The following LINS1 variants were observed in gnomAD, a reference collection of about 807,000 sequenced individuals.
LINS1 encodes the protein lines homolog 1.
LINS1 carries 27 observed loss-of-function variants against 41.6 expected under a neutral mutation model. The ratio of observed to expected loss-of-function variants is 0.65; its 90% confidence interval spans 0.48 to 0.89. The LOEUF (loss-of-function observed/expected upper bound fraction) is 0.89, where lower values mean the gene tolerates loss of function less well. Ranked by LOEUF, LINS1 falls within the 40% of genes least tolerant of loss-of-function variation. The pLI is 0.00. For synonymous variants in LINS1, 336 were observed against 312.9 expected, an observed-to-expected ratio of 1.07 and a Z score of -0.78; for missense variants, 955 against 884.1, an observed-to-expected ratio of 1.08 and a Z score of -1.02.
intron 1 of LINS1, among the ~76,000 whole-genome samples, chr15:100,593,964 T>A (rs977548057): frequency 1.3e-5 from 2 of 152,232 alleles, no homozygotes; most frequent in Non-Finnish European, 2.9e-5. Context: ...GCGATTTGAC[T>A]GAGTTTTTAA....
rs375103881 is a variant in LINS1, at chr15:100,573,806, T to A, written c.1067A>T (p.Tyr356Phe). The A allele has an allele frequency of 3.1e-6, 5 of 1,614,242 alleles. No homozygotes were observed. Among genetic ancestry groups the A allele is most frequent in the Non-Finnish European group, 3.4e-6 (4 of 1,180,038 alleles). The change falls in exon 5 of 7, where the codon TAT becomes TTT. Residue 356 changes from tyrosine (Y) to phenylalanine (F), a missense_variant. By Grantham distance (22) the Tyr-to-Phe change is conservative. Transcript: ENST00000314742. ...NSGLLKTLSVYEKHSFFGGDE... is the reference protein window; with the variant it reads ...NSGLLKTLSVFEKHSFFGGDE... ...ACCTCCAAAAAAGGAATGTTTTTCA[T>A]AAACAGACAGTGTCTTCAACAACCC...
chr15:100,583,872 CACTT>C (rs1037337730), intron 1 of LINS1, among the ~76,000 whole-genome samples: 2 of 152,066 alleles, frequency 1.3e-5, no homozygotes, highest in African/African-American at 4.8e-5. Context: ...AATTCCATTG[CACTT>C]ACTTTATATT....
chr15:100,601,218 A>G (rs534442767), intron 1 of LINS1, among the ~76,000 whole-genome samples: 2 of 152,348 alleles, frequency 1.3e-5, no homozygotes, highest in South Asian at 4.1e-4. Context: ...TGCTTATAAA[A>G]TAATTCCTAA....
Position 100,568,535 on chromosome 15 carries a change from G to C in LINS1, c.*703C>G, listed in dbSNP as rs926340406. The C allele has an allele frequency of 6.6e-6, 1 of 152,384 alleles. No individual in the cohort carries two copies. Among genetic ancestry groups the C allele is most frequent in the Admixed American group, 6.5e-5 (1 of 15,288 alleles). 9.4% of individuals were successfully genotyped at this position (152,384 alleles called of 1,614,324 possible). On this transcript the variant is annotated 3_prime_UTR_variant, in exon 7 of 7. Coordinates refer to ENST00000314742, the MANE Select transcript of LINS1 (RefSeq NM_001040616.3). ...GCTGGCTGGCTGCCACCAGAAGCCA[G>C]AAAGGGGCAGGGTGGGATTCTTCTC... is the stretch of plus-strand genomic sequence containing the variant.
intron 1 of LINS1, among the ~76,000 whole-genome samples, chr15:100,600,218 AAG>A (rs1270832737): frequency 6.6e-6 from 1 of 152,200 alleles, no homozygotes; most frequent in Non-Finnish European, 1.5e-5. Flanking sequence ...AAGAAGCAAA[AAG>A]AGAATAAAAG....
chr15:100,600,551 C>CATAAAAAAAAA (rs1555436243), intron 1 of LINS1, among the ~76,000 whole-genome samples: 1 of 79,674 alleles, frequency 1.3e-5, no homozygotes, highest in Non-Finnish European at 2.2e-5. Flanking sequence ...TGCTGTTAAG[C>CATAAAAAAAAA]AAAAAAAAAA....
chr15:100,573,356 A>T, intron 5 of LINS1: 1 of 1,228,800 alleles, frequency 8.1e-7, no homozygotes, highest in South Asian at 2.7e-5. Flanking sequence ...TGCTGTAAAT[A>T]CTTGAATATG....
Position 100,574,062 on chromosome 15 carries a change from T to A in LINS1, c.811A>T (p.Thr271Ser). 6.2e-7 allele frequency: 1 copy of A among 1,614,182 alleles called. No individual in the cohort carries two copies. Among genetic ancestry groups the A allele is most frequent in the Non-Finnish European group, 8.5e-7 (1 of 1,180,000 alleles). ...ASRIHLKLHF[T>S]CQRILFLKPS... ...TTCAAAAATAAAATCCTCTGGCAAG[T>A]GAAATGTAACTTCAGGTGGATTCTG... is the stretch of plus-strand genomic sequence containing the variant. Residue 271 changes from threonine to serine, a missense_variant, in exon 5 of 7, where the codon ACT (threonine) becomes TCT (serine). Thr to Ser is a moderately conservative substitution (Grantham distance 58). Coordinates refer to ENST00000314742, the MANE Select transcript of LINS1 (RefSeq NM_001040616.3).
At position 100,569,143 on chromosome 15, in the gene LINS1, A is replaced by AG; in HGVS notation, c.*94_*95insC. On this transcript the variant is annotated 3_prime_UTR_variant, in exon 7 of 7. Coordinates refer to ENST00000314742, the MANE Select transcript of LINS1 (RefSeq NM_001040616.3). ...GTCTCAAAAAAAAAAAAAAAAAAGA[A>AG]AACCCTTTTATGGTGATGATTTTAT... 1 of 800,976 alleles carries AG rather than the reference A, an allele frequency of 1.2e-6. No homozygotes were observed. Among genetic ancestry groups the AG allele is most frequent in the Non-Finnish European group, 2.0e-6 (1 of 508,886 alleles). The allele number at this position is 800,976 out of a possible 1,614,324, so 49.6% of individuals were successfully genotyped here.
intron 1 of LINS1, among the ~76,000 whole-genome samples, chr15:100,584,451 T>C (rs1006417432): frequency 2.6e-5 from 4 of 152,142 alleles, no homozygotes; most frequent in African/African-American, 4.8e-5. Context: ...AGGGAGTAGA[T>C]GGGCTGTTTT....
intron 4 of LINS1, among the ~76,000 whole-genome samples, chr15:100,574,497 C>G (rs1244423194): frequency 6.6e-6 from 1 of 152,196 alleles, no homozygotes; most frequent in Admixed American, 6.5e-5. Flanking sequence ...CACTTGAGGT[C>G]AGGAGTTTGA....
chr15:100,579,599 T>C (rs912523339), intron 3 of LINS1, among the ~76,000 whole-genome samples: 4 of 152,218 alleles, frequency 2.6e-5, no homozygotes, highest in African/African-American at 4.8e-5. Flanking sequence ...AATATCACTT[T>C]TTATATTCAG....
At chr15:100,589,543 G>C (rs1227434909) in intron 1 of LINS1, among the ~76,000 whole-genome samples, 1 of 152,214 alleles carries the variant, frequency 6.6e-6, no homozygotes, top group Non-Finnish European at 1.5e-5. Flanking sequence ...TGGAGGACCA[G>C]GTTGGTCACC....
chr15:100,575,179 A>T lies in LINS1; in HGVS notation c.490-51T>A, dbSNP rs1250343141. 10 of 1,488,830 alleles carry T rather than the reference A, an allele frequency of 6.7e-6. No homozygotes were observed. In the African/African-American group the frequency reaches 1.4e-4, roughly 21 times the overall value. 92.2% of individuals were successfully genotyped at this position (1,488,830 alleles called of 1,614,324 possible). ...AGTTAAAATACAATATTTTCTTTAC[A>T]TAATACAACTGTATACAACATTGTT... On this transcript the variant is annotated intron_variant, in intron 3 of 6. Transcript: ENST00000314742.
intron 4 of LINS1, 25 bp downstream of exon 4, chr15:100,574,962 G>C: frequency 6.2e-7 from 1 of 1,609,138 alleles, no homozygotes; most frequent in Non-Finnish European, 8.5e-7. Context: ...GATGATGATT[G>C]TTTATGGGGC....
At chr15:100,576,836 T>TG (rs2038215497) in intron 3 of LINS1, 2 of 152,226 alleles carry the variant, frequency 1.3e-5, no homozygotes, top group Admixed American at 6.5e-5. Flanking sequence ...CATGATCAAG[T>TG]GGGCTTCATC....
At position 100,569,302 on chromosome 15, in the gene LINS1, G is replaced by C. The variant is rs2037667182; in HGVS notation, c.2210C>G (p.Thr737Ser). Reference sequence around the variant, plus strand: ...GTATTTTAACAACTTCAAAAGTGCAGTTGGATTATATGGGAAAAGATTTTT... The same window carrying C: ...GTATTTTAACAACTTCAAAAGTGCACTTGGATTATATGGGAAAAGATTTTT... The part of the protein sequence containing the change: ...QKKNLFPYNP[T>S]ALLKLLKYIE... Residue 737 changes from threonine to serine, a missense_variant, in exon 7 of 7, where the codon ACT (threonine) becomes AGT (serine). Physicochemically the swap from Thr to Ser is moderately conservative, Grantham distance 58. Transcript: ENST00000314742. The C allele has an allele frequency of 6.2e-7, 1 of 1,612,710 alleles. No individual in the cohort carries two copies. Among genetic ancestry groups the C allele is most frequent in the African/African-American group, 1.3e-5 (1 of 75,000 alleles).
chr15:100,601,692 C>T (rs1282470397), intron 1 of LINS1, among the ~76,000 whole-genome samples: 1 of 151,996 alleles, frequency 6.6e-6, no homozygotes, highest in Admixed American at 6.5e-5. Context: ...CTGTTGTCTC[C>T]CCAGGGACTA....
Position 100,580,111 on chromosome 15 carries a change from G to C in LINS1, c.489+152C>G, listed in dbSNP as rs528457118. ...GCCACGGCTCTCGTCTTTAATCCCA[G>C]CACTTTGGGAGGCTGAGGCAGGAGG... On this transcript the variant is annotated intron_variant, in intron 3 of 6. Coordinates refer to ENST00000314742, the MANE Select transcript of LINS1 (RefSeq NM_001040616.3). 1.7e-5 allele frequency: 11 copies of C among 650,914 alleles called. No homozygotes were observed. In the Admixed American group the frequency reaches 2.8e-4, roughly 16 times the overall value. The allele number at this position is 650,914 out of a possible 1,614,324, so 40.3% of individuals were successfully genotyped here. A position where few individuals can be genotyped will look rare whatever the true frequency, so the allele number is the denominator to read the frequency against.
Sources: allele counts gnomAD v4.1 joint callset (sites outside exome capture counted in the v4.1 genomes callset), GRCh38; gene constraint gnomAD v4.1.1; transcripts MANE v1.5; gene names NCBI Gene and HGNC (gene_info 2026-07-23, HGNC 2026-07-21).